Variants in DOCK4 observed in about 807,000 individuals in gnomAD.
The protein encoded by DOCK4 is dedicator of cytokinesis 4.
Under a neutral mutation model 268.1 loss-of-function variants are expected in DOCK4, and 97 were observed. The observed-to-expected ratio is 0.36, with a 90% confidence interval of 0.31 to 0.43. The LOEUF is 0.43. DOCK4 is among the 20% of genes least tolerant of loss of function. The probability of loss-of-function intolerance (pLI) is 1.00; values close to 1 mark genes in which losing one functional copy is unlikely to be tolerated. For missense variants in DOCK4, 2,145 were observed against 2,455.7 expected (o/e 0.87, Z 2.67); for synonymous variants, 954 against 887.2 (o/e 1.08, Z -1.34).
intron 1 of DOCK4, among the ~76,000 whole-genome samples, chr7:112,121,232 G>A (rs944411877): frequency 3.9e-5 from 6 of 152,078 alleles, no homozygotes; most frequent in African/African-American, 1.4e-4. Context: ...CCCCCTTCCC[G>A]TCTCATGGTA....
intron 26 of DOCK4, among the ~76,000 whole-genome samples, chr7:111,826,397 G>A (rs1586103553): frequency 6.6e-6 from 1 of 152,174 alleles, no homozygotes; most frequent in East Asian, 1.9e-4. Context: ...TTATGCAGAT[G>A]TTTGAGAGGA....
chr7:112,059,991 T>G (rs565896738), intron 1 of DOCK4, among the ~76,000 whole-genome samples: 1 of 152,324 alleles, frequency 6.6e-6, no homozygotes, highest in South Asian at 2.1e-4. Context: ...GGAAAACGAT[T>G]AGAAGCATGT....
intron 1 of DOCK4, among the ~76,000 whole-genome samples, chr7:112,097,417 T>C (rs144932589): frequency 1.3e-5 from 2 of 152,096 alleles, no homozygotes; most frequent in African/African-American, 2.4e-5. Flanking sequence ...CTACGTTTTT[T>C]TTTTTAAGTT....
intron 30 of DOCK4, among the ~76,000 whole-genome samples, chr7:111,800,889 GAAT>G (rs1302205918): frequency 3.3e-5 from 5 of 152,104 alleles, no homozygotes; most frequent in African/African-American, 1.2e-4. Context: ...TTTAAAGGGG[GAAT>G]AATACAGGAG....
At chr7:112,028,071 C>T (rs182576764) in intron 1 of DOCK4, among the ~76,000 whole-genome samples, 8 of 152,018 alleles carry the variant, frequency 5.3e-5, no homozygotes, top group East Asian at 1.9e-4. Context: ...TTTTAAATGA[C>T]GAAAAGGATA....
At chr7:112,130,184 T>C (rs1813675020) in intron 1 of DOCK4, among the ~76,000 whole-genome samples, 1 of 152,100 alleles carries the variant, frequency 6.6e-6, no homozygotes, top group South Asian at 2.1e-4. Flanking sequence ...CTGGACAGCA[T>C]CCCAGTCTTG....
intron 41 of DOCK4, 90 bp downstream of exon 41, chr7:111,758,534 C>T: frequency 7.1e-7 from 1 of 1,412,574 alleles, no homozygotes; most frequent in East Asian, 2.4e-5. Context: ...TCACTTGACA[C>T]TATTCTGAGT....
At chr7:111,925,099 A>G (rs1793489708) in intron 12 of DOCK4, among the ~76,000 whole-genome samples, 1 of 152,352 alleles carries the variant, frequency 6.6e-6, no homozygotes, top group Non-Finnish European at 1.5e-5. Flanking sequence ...TAGGGCCTCA[A>G]TCTTATCAGA....
At chr7:111,753,321 G>GA (rs1300304849) in intron 42 of DOCK4, among the ~76,000 whole-genome samples, 1 of 152,002 alleles carries the variant, frequency 6.6e-6, no homozygotes, top group Non-Finnish European at 1.5e-5. Context: ...CAACAAATCA[G>GA]AAAATTAGCC....
chr7:111,761,789 T>C (rs1351740289), intron 39 of DOCK4, among the ~76,000 whole-genome samples: 1 of 152,124 alleles, frequency 6.6e-6, no homozygotes, highest in African/African-American at 2.4e-5. Flanking sequence ...TATATCATGA[T>C]CTTTTGAAAA....
chr7:111,873,291 A>T (rs1268693244), intron 17 of DOCK4, among the ~76,000 whole-genome samples: 1 of 152,034 alleles, frequency 6.6e-6, no homozygotes, highest in African/African-American at 2.4e-5. Context: ...TGGGGAGGGA[A>T]TAAATTTATC....
rs528984832 is a variant in DOCK4 at position 111,755,319 on chromosome 7, C to T, written c.4416+196G>A. On this transcript the variant is annotated intron_variant, in intron 42 of 52. Transcript: ENST00000428084. ...TTGAGTTGTTTTCAAGGAATCCCTC[C>T]ATCTGGACACATTAGGATAATATTA... is the stretch of plus-strand genomic sequence containing the variant. Among the ~76,000 whole-genome samples, 3 of 152,206 alleles carry T rather than the reference C, an allele frequency of 2.0e-5. No homozygotes were observed. In the South Asian group the frequency reaches 6.2e-4, roughly 32 times the overall value.
intron 8 of DOCK4, among the ~76,000 whole-genome samples, chr7:111,973,528 A>T (rs1354996879): frequency 1.3e-5 from 2 of 152,200 alleles, no homozygotes; most frequent in South Asian, 4.1e-4. Context: ...ACTTATCTGC[A>T]ACATATGGAC....
At chr7:111,735,212 C>T in intron 50 of DOCK4, 45 bp from the exon 51 acceptor site, 1 of 1,280,118 alleles carries the variant, frequency 7.8e-7, no homozygotes, top group South Asian at 1.5e-5. Flanking sequence ...CCAGCTTTGC[C>T]CTTCCAATGC....
rs1795800060 is a variant in DOCK4 at position 111,948,486 on chromosome 7, T to G, written c.702-2688A>C. On this transcript the variant is annotated intron_variant, in intron 8 of 52. Transcript: ENST00000428084. ...ATCCCAAGAGTTCAAGGTAACTTTC[T>G]CCATACCCTTCCTGGGTTAAGAGGA... 3.9e-5 allele frequency among the ~76,000 whole-genome samples: 6 copies of G among 152,212 alleles called. No homozygotes were observed. In the South Asian group the frequency reaches 1.2e-3, roughly 32 times the overall value.
chr7:111,830,410 AG>A (rs1329313630), intron 26 of DOCK4, among the ~76,000 whole-genome samples: 1 of 150,778 alleles, frequency 6.6e-6, no homozygotes, highest in Non-Finnish European at 1.5e-5. Context: ...TGGGCGACAG[AG>A]CGAGACTCAT....
At chr7:111,745,838 C>CAAATT (rs1210236072) in intron 44 of DOCK4, among the ~76,000 whole-genome samples, 3 of 151,900 alleles carry the variant, frequency 2.0e-5, no homozygotes, top group Non-Finnish European at 4.4e-5. Context: ...CAGAAATCCT[C>CAAATT]CAAAATTTGA....
chr7:111,992,273 G>C (rs966598591), intron 5 of DOCK4, among the ~76,000 whole-genome samples: 1 of 152,132 alleles, frequency 6.6e-6, no homozygotes, highest in Non-Finnish European at 1.5e-5. Context: ...ACATCTTCCA[G>C]TAGAGAAGCT....
chr7:111,893,582 A>G lies in DOCK4; in HGVS notation c.1587+2030T>C, dbSNP rs146413758. Among the ~76,000 whole-genome samples, 285 of 152,340 alleles carry G rather than the reference A, an allele frequency of 1.9e-3. 2 individuals are homozygous for G. The highest frequency in any genetic ancestry group is 6.6e-3 in the African/African-American group (273 of 41,578). ...CTCAAGACATTGCCTGTTATATTAT[A>G]TATCTTATCGGGCAGCCTCAGACCT... is the stretch of plus-strand genomic sequence containing the variant. On this transcript the variant is annotated intron_variant, in intron 16 of 52. Transcript: ENST00000428084.
Sources: gnomAD v4.1 joint callset for allele counts (sites outside exome capture counted in the v4.1 genomes callset) on GRCh38, gnomAD v4.1.1 for gene constraint, MANE v1.5 for transcripts, NCBI Gene and HGNC (gene_info 2026-07-23, HGNC 2026-07-21) for gene names.